Variants in RETREG2 observed in about 807,000 individuals in gnomAD.
The protein encoded by RETREG2 is reticulophagy regulator 2.
In RETREG2, 21 loss-of-function variants were observed where a neutral mutation model predicts 51.6. The ratio of observed to expected loss-of-function variants is 0.41; its 90% confidence interval spans 0.29 to 0.59. The LOEUF (loss-of-function observed/expected upper bound fraction) is 0.59. RETREG2 is among the 20% of genes least tolerant of loss of function. RETREG2 has a pLI of 0.34. For synonymous variants in RETREG2, 339 were observed against 288.6 expected (o/e 1.17, Z -1.77); for missense variants, 674 against 646.0 (o/e 1.04, Z -0.47).
In RETREG2 at chr2:219,179,993, G is replaced by C; in HGVS notation, c.420-117G>C. 5.0e-6 allele frequency: 7 copies of C among 1,398,430 alleles called. No homozygotes were observed. In the South Asian group the frequency reaches 8.7e-5, roughly 17 times the overall value. 86.6% of individuals were successfully genotyped at this position (1,398,430 alleles called of 1,614,324 possible). A position where few individuals can be genotyped will look rare whatever the true frequency, so the allele number is the denominator to read the frequency against. Reference sequence around the variant, plus strand: ...TCTAAGACCAGGACAGCCTCCTTTTGAGAGGTGGGGTCATTTGCTTTTTTA... The same window carrying C: ...TCTAAGACCAGGACAGCCTCCTTTTCAGAGGTGGGGTCATTTGCTTTTTTA... On this transcript the variant is annotated intron_variant, in intron 3 of 8. Coordinates refer to ENST00000430297, the MANE Select transcript of RETREG2 (RefSeq NM_024293.6).
At chr2:219,181,512 A>G (rs1287966348) in intron 7 of RETREG2, 49 bp downstream of exon 7, 9 of 1,608,408 alleles carry the variant, frequency 5.6e-6, no homozygotes, top group South Asian at 1.1e-5. Context: ...CAGAGGAAAA[A>G]TCTTTCTGCT....
Position 219,178,456 on chromosome 2 carries a change from C to A in RETREG2, c.104C>A (p.Ala35Asp). The A allele has an allele frequency of 1.2e-6, 1 of 855,520 alleles. No individual in the cohort carries two copies. The highest frequency in any genetic ancestry group is 1.7e-6 in the Non-Finnish European group (1 of 576,462). The allele number at this position is 855,520 out of a possible 1,614,324, so 53.0% of individuals were successfully genotyped here. A position where few individuals can be genotyped will look rare whatever the true frequency, so the allele number is the denominator to read the frequency against. ...GGTCTGAGCCTAGGCATGAGTGAGG[C>A]CACCAGTGAGGCAGAGGAGGAGGCG... ...GLGLSLGMSE[A>D]TSEAEEEAAT... Residue 35 changes from alanine (A) to aspartate (D), a missense_variant, in exon 1 of 9, where the codon GCC becomes GAC. Coordinates refer to ENST00000430297, the MANE Select transcript of RETREG2 (RefSeq NM_024293.6).
In RETREG2 at chr2:219,181,178, G is replaced by T. The variant is rs962792852; in HGVS notation, c.757G>T (p.Ala253Ser). 3 of 1,614,050 alleles carry T rather than the reference G, an allele frequency of 1.9e-6. No individual in the cohort carries two copies. Among genetic ancestry groups the T allele is most frequent in the Non-Finnish European group, 2.5e-6 (3 of 1,180,034 alleles). ...LDYSMKAEAN[A>S]LHHKHDKRKR... ...CTACAGCATGAAGGCAGAAGCCAAT[G>T]CCCTGCATCACAAACACGACAAGAG... Residue 253 changes from alanine to serine, a missense_variant, in exon 6 of 9, where the codon GCC becomes TCC. Transcript: ENST00000430297.
Position 219,185,379 on chromosome 2 carries a change from AC to A in RETREG2, c.*2751del, listed in dbSNP as rs1180811495. The A allele has an allele frequency of 3.9e-5, 6 of 152,222 alleles. No homozygotes were observed. Among genetic ancestry groups the A allele is most frequent in the African/African-American group, 1.2e-4 (5 of 41,460 alleles). 9.4% of individuals were successfully genotyped at this position (152,222 alleles called of 1,614,324 possible). ...TGTTTATGTTAGGGGAGGAGGGAGT[AC>A]ATTTTAGCTATGTATTCAAACAGCT... On this transcript the variant is annotated 3_prime_UTR_variant, in exon 9 of 9. Coordinates refer to ENST00000430297, the MANE Select transcript of RETREG2 (RefSeq NM_024293.6).
chr2:219,182,825 T>A lies in RETREG2; in HGVS notation c.*196T>A, dbSNP rs1361497678. Reference sequence around the variant, plus strand: ...GTGCAGTACCTGTGCCTAGGATTGGTTTTAAATTTGTAAATAATTTTCCAT... The same window carrying A: ...GTGCAGTACCTGTGCCTAGGATTGGATTTAAATTTGTAAATAATTTTCCAT... On this transcript the variant is annotated 3_prime_UTR_variant, in exon 9 of 9. Coordinates refer to ENST00000430297, the MANE Select transcript of RETREG2 (RefSeq NM_024293.6). 2 of 637,322 alleles carry A rather than the reference T, an allele frequency of 3.1e-6. No individual in the cohort carries two copies. Among genetic ancestry groups the A allele is most frequent in the Non-Finnish European group, 5.4e-6 (2 of 372,868 alleles). The allele number at this position is 637,322 out of a possible 1,614,324, so 39.5% of individuals were successfully genotyped here. A position where few individuals can be genotyped will look rare whatever the true frequency, so the allele number is the denominator to read the frequency against.
At position 219,178,695 on chromosome 2, in the gene RETREG2, C is replaced by G. The variant is rs545543466; in HGVS notation, c.281+62C>G. The G allele has an allele frequency of 7.1e-6, 10 of 1,402,988 alleles. No individual in the cohort carries two copies. In the South Asian group the frequency reaches 1.3e-4, roughly 19 times the overall value. 86.9% of individuals were successfully genotyped at this position (1,402,988 alleles called of 1,614,324 possible). ...GCGGGGGAGGGAGGGGTCGAGAGCA[C>G]CATTCCCCTTTCTGGGTTATCACTT... On this transcript the variant is annotated intron_variant, in intron 1 of 8. Transcript: ENST00000430297.
In RETREG2 at chr2:219,182,138, CA is replaced by C; in HGVS notation, c.1143del (p.Ala382ProfsTer27). 1 of 1,614,126 alleles carries C rather than the reference CA, an allele frequency of 6.2e-7. No individual in the cohort carries two copies. Among genetic ancestry groups the C allele is most frequent in the Non-Finnish European group, 8.5e-7 (1 of 1,180,042 alleles). ...LLGRPQALSR[Q>X]ALDSEEEEED... ...AGGCCGTCCTCAAGCTCTGTCAAGG[CA>C]AGCCCTGGACTCGGAGGAAGAGGAA... is the stretch of plus-strand genomic sequence containing the variant. On this transcript the variant is annotated frameshift_variant, in exon 9 of 9. Coordinates refer to ENST00000430297, the MANE Select transcript of RETREG2 (RefSeq NM_024293.6). LOFTEE classifies it high-confidence loss of function.
Position 219,182,146 on chromosome 2 carries a change from G to T in RETREG2, c.1149G>T (p.Leu383=), listed in dbSNP as rs1056935303. 6.2e-7 allele frequency: 1 copy of T among 1,614,050 alleles called. No individual in the cohort carries two copies. The highest frequency in any genetic ancestry group is 1.1e-5 in the South Asian group (1 of 91,080). ...GRPQALSRQA[L]DSEEEEEDVA... ...CTCAAGCTCTGTCAAGGCAAGCCCTGGACTCGGAGGAAGAGGAAGAGGATG... is the reference window on the plus strand; with the variant it reads ...CTCAAGCTCTGTCAAGGCAAGCCCTTGACTCGGAGGAAGAGGAAGAGGATG... Residue 383 remains leucine (L), a synonymous_variant, in exon 9 of 9, where the codon CTG becomes CTT. Transcript: ENST00000430297.
Position 219,183,553 on chromosome 2 carries a change from C to T in RETREG2, c.*924C>T, listed in dbSNP as rs1403653346. ...CCTGCACTGCACTGTGTTCTCTCCT[C>T]ACCCTTAACCTGCTTCACTCCAGTC... On this transcript the variant is annotated 3_prime_UTR_variant, in exon 9 of 9. Transcript: ENST00000430297. 6.6e-6 allele frequency: 1 copy of T among 152,308 alleles called. No homozygotes were observed. Among genetic ancestry groups the T allele is most frequent in the Non-Finnish European group, 1.5e-5 (1 of 68,074 alleles). 9.4% of individuals were successfully genotyped at this position (152,308 alleles called of 1,614,324 possible).
rs796849699 is a variant in RETREG2, at chr2:219,184,911, C to T, written c.*2282C>T. On this transcript the variant is annotated 3_prime_UTR_variant, in exon 9 of 9. Transcript: ENST00000430297. ...GTGCAGTCTTGGTTCACTGCAACCT[C>T]TGCCTCCCAGGTTCAAACAATTCTC... 6.3e-5 allele frequency: 9 copies of T among 143,838 alleles called. No individual in the cohort carries two copies. The highest frequency in any genetic ancestry group is 2.3e-4 in the African/African-American group (9 of 39,266). The allele number at this position is 143,838 out of a possible 1,614,324, so 8.9% of individuals were successfully genotyped here.
chr2:219,179,203 A>C (rs569543679), intron 2 of RETREG2, among the ~76,000 whole-genome samples, 175 bp downstream of exon 2: 22 of 152,274 alleles, frequency 1.4e-4, no homozygotes, highest in Middle Eastern at 3.4e-3. Flanking sequence ...TCCCAAACTA[A>C]TACTACTGTA....
chr2:219,179,654 G>A (rs1284924383), intron 2 of RETREG2, 79 bp from the exon 3 acceptor site: 10 of 1,397,512 alleles, frequency 7.2e-6, no homozygotes, highest in South Asian at 6.9e-5. Context: ...CTGCAGAGGA[G>A]GGACAACTAT....
At position 219,178,409 on chromosome 2, in the gene RETREG2, C is replaced by G; in HGVS notation, c.57C>G (p.Gly19=). The change falls in exon 1 of 9, where the codon GGC becomes GGG. Residue 19 remains glycine, a synonymous_variant. Coordinates refer to ENST00000430297, the MANE Select transcript of RETREG2 (RefSeq NM_024293.6). ...NTGAGGGPGM[G]LSLGLGLGLS... ...GCGCGGGTGGGGGGCCGGGGATGGG[C>G]CTGAGCCTGGGCCTGGGTCTGGGTC... The G allele has an allele frequency of 1.8e-6, 1 of 564,834 alleles. No homozygotes were observed. Among genetic ancestry groups the G allele is most frequent in the East Asian group, 3.5e-5 (1 of 28,858 alleles). 35.0% of individuals were successfully genotyped at this position (564,834 alleles called of 1,614,324 possible). A position where few individuals can be genotyped will look rare whatever the true frequency, so the allele number is the denominator to read the frequency against.
At chr2:219,180,816 C>G (rs867812237) in intron 5 of RETREG2, 62 bp downstream of exon 5, 14 of 1,557,836 alleles carry the variant, frequency 9.0e-6, no homozygotes, top group Middle Eastern at 3.4e-4. Flanking sequence ...CTTGGACTGA[C>G]CCAGAGGGAA....
chr2:219,181,299 C>A, intron 6 of RETREG2, 70 bp from the exon 7 acceptor site: 1 of 1,606,488 alleles, frequency 6.2e-7, no homozygotes, highest in Non-Finnish European at 8.5e-7. Context: ...TTCTCCAGTT[C>A]TTTAGCTGTG....
intron 2 of RETREG2, 45 bp downstream of exon 2, chr2:219,179,073 G>A: frequency 7.1e-7 from 1 of 1,408,382 alleles, no homozygotes; most frequent in Non-Finnish European, 1.0e-6. Context: ...GTACTTGCTT[G>A]GTGCCTGATT....
Position 219,183,025 on chromosome 2 carries a change from GT to G in RETREG2, c.*399del. On this transcript the variant is annotated 3_prime_UTR_variant, in exon 9 of 9. Coordinates refer to ENST00000430297, the MANE Select transcript of RETREG2 (RefSeq NM_024293.6). ...CTCTGCCCTCATGTCCCACTTGGTT[GT>G]TTAGTTGAGGCACTTTATAATTTTT... 4.6e-6 allele frequency: 1 copy of G among 219,160 alleles called. No homozygotes were observed. Among genetic ancestry groups the G allele is most frequent in the South Asian group, 9.2e-5 (1 of 10,892 alleles). 13.6% of individuals were successfully genotyped at this position (219,160 alleles called of 1,614,324 possible).
chr2:219,179,462 T>G (rs1231852356), intron 2 of RETREG2, among the ~76,000 whole-genome samples: 1 of 152,254 alleles, frequency 6.6e-6, no homozygotes, highest in Non-Finnish European at 1.5e-5. Flanking sequence ...ACGTCAGTGT[T>G]GTTTTTCTTG....
rs1159035099 is a variant in RETREG2, at chr2:219,184,509, TTGAC to T, written c.*1884_*1887del. ...AAGAATTTTTCTGTTTGCTTCACAT[TTGAC>T]TGAGAATCATTCTAGGGTTTGATTG... On this transcript the variant is annotated 3_prime_UTR_variant, in exon 9 of 9. Coordinates refer to ENST00000430297, the MANE Select transcript of RETREG2 (RefSeq NM_024293.6). 1 of 152,194 alleles carries T rather than the reference TTGAC, an allele frequency of 6.6e-6. No homozygotes were observed. The highest frequency in any genetic ancestry group is 1.5e-5 in the Non-Finnish European group (1 of 68,042). 9.4% of individuals were successfully genotyped at this position (152,194 alleles called of 1,614,324 possible). A position where few individuals can be genotyped will look rare whatever the true frequency, so the allele number is the denominator to read the frequency against.
Sources: allele counts gnomAD v4.1 joint callset (sites outside exome capture counted in the v4.1 genomes callset), GRCh38; gene constraint gnomAD v4.1.1; transcripts MANE v1.5; gene names NCBI Gene and HGNC (gene_info 2026-07-23, HGNC 2026-07-21).